The following TMEM178B variants were observed in gnomAD, a reference collection of about 807,000 sequenced individuals.
The protein encoded by TMEM178B is transmembrane protein 178B.
In TMEM178B, 5 loss-of-function variants were observed where a neutral mutation model predicts 31.0. The observed-to-expected ratio is 0.16, with a 90% CI of 0.08 to 0.34. TMEM178B has a LOEUF of 0.34. Among genes scored for constraint, TMEM178B ranks in the 10% least tolerant of loss-of-function variants. The pLI, the probability that TMEM178B is intolerant of heterozygous loss-of-function variation, is 1.00. For missense variants in TMEM178B, 275 were observed against 400.3 expected (o/e 0.69, Z 2.67); for synonymous variants, 164 against 164.0 (o/e 1.00, Z 0.00).
intron 2 of TMEM178B, among the ~76,000 whole-genome samples, chr7:141,274,617 G>A (rs1460328232): frequency 1.3e-5 from 2 of 152,198 alleles, no homozygotes; most frequent in Non-Finnish European, 2.9e-5. Context: ...AACCCAATCT[G>A]CAGGTCCAAG....
chr7:141,479,207 C>G lies in TMEM178B; in HGVS notation c.*8421C>G, dbSNP rs1442237568. ...TGGGGAAGGGGCAGGCAGGCCTTCTCTCTGTCAAGAACAAAGATCTCTACA... is the reference window on the plus strand; with the variant it reads ...TGGGGAAGGGGCAGGCAGGCCTTCTGTCTGTCAAGAACAAAGATCTCTACA... On this transcript the variant is annotated 3_prime_UTR_variant, in exon 4 of 4. Coordinates refer to ENST00000565468, the MANE Select transcript of TMEM178B (RefSeq NM_001195278.2). 6.6e-6 allele frequency: 1 copy of G among 152,294 alleles called. No individual in the cohort carries two copies. The highest frequency in any genetic ancestry group is 1.5e-5 in the Non-Finnish European group (1 of 68,078). 9.4% of individuals were successfully genotyped at this position (152,294 alleles called of 1,614,324 possible).
chr7:141,423,942 G>A (rs1801266030), intron 2 of TMEM178B, among the ~76,000 whole-genome samples: 1 of 151,078 alleles, frequency 6.6e-6, no homozygotes, highest in Admixed American at 6.6e-5. Context: ...GCGAATAAGT[G>A]GGATTACAGC....
At chr7:141,117,029 C>G (rs1336209132) in intron 1 of TMEM178B, among the ~76,000 whole-genome samples, 2 of 151,934 alleles carry the variant, frequency 1.3e-5, no homozygotes, top group East Asian at 3.9e-4. Flanking sequence ...GGGTATATAC[C>G]CAGTAATGGA....
At chr7:141,428,037 A>T (rs936533755) in intron 2 of TMEM178B, among the ~76,000 whole-genome samples, 7 of 151,978 alleles carry the variant, frequency 4.6e-5, no homozygotes, top group African/African-American at 9.7e-5. Context: ...ACAGGAGAGG[A>T]CTCCCTGTGA....
chr7:141,094,081 G>C (rs1181408325), intron 1 of TMEM178B, among the ~76,000 whole-genome samples: 1 of 152,158 alleles, frequency 6.6e-6, no homozygotes, highest in African/African-American at 2.4e-5. Context: ...ATGGTTCATA[G>C]ATAGGGACAA....
At chr7:141,128,143 A>G (rs965315677) in intron 1 of TMEM178B, among the ~76,000 whole-genome samples, 3 of 152,180 alleles carry the variant, frequency 2.0e-5, no homozygotes. Context: ...AATAAAAGGG[A>G]CACTATTAAT....
intron 2 of TMEM178B, among the ~76,000 whole-genome samples, chr7:141,436,287 TCC>T (rs1801538666): frequency 6.6e-6 from 1 of 152,160 alleles, no homozygotes; most frequent in Non-Finnish European, 1.5e-5. Context: ...GAAAAGATTG[TCC>T]AGGCAGGCTG....
intron 1 of TMEM178B, among the ~76,000 whole-genome samples, chr7:141,078,734 G>A (rs1319513231): frequency 6.6e-6 from 1 of 152,120 alleles, no homozygotes; most frequent in Non-Finnish European, 1.5e-5. Flanking sequence ...TGAACAAGAT[G>A]TTTGATAAGG....
At chr7:141,084,790 G>A (rs922763444) in intron 1 of TMEM178B, among the ~76,000 whole-genome samples, 66 of 152,202 alleles carry the variant, frequency 4.3e-4, no homozygotes, top group African/African-American at 1.5e-3. Context: ...ATCAGAGATC[G>A]TATATTCATG....
rs557751696 is a variant in TMEM178B at position 141,106,020 on chromosome 7, G to T, written c.382+31328G>T. Among the ~76,000 whole-genome samples, 3 of 151,398 alleles carry T rather than the reference G, an allele frequency of 2.0e-5. No individual in the cohort carries two copies. In the East Asian group the frequency reaches 5.8e-4, roughly 29 times the overall value. ...TGAGGCATGAGAATTGCTTGAGCCT[G>T]GGAGACAGAGGTTGCAGTGGGCTGA... On this transcript the variant is annotated intron_variant, in intron 1 of 3. Coordinates refer to ENST00000565468, the MANE Select transcript of TMEM178B (RefSeq NM_001195278.2).
At chr7:141,139,718 G>A (rs957580086) in intron 1 of TMEM178B, among the ~76,000 whole-genome samples, 2 of 151,820 alleles carry the variant, frequency 1.3e-5, no homozygotes, top group African/African-American at 2.4e-5. Context: ...TAAGATGGCT[G>A]TACTGAGAAA....
intron 1 of TMEM178B, among the ~76,000 whole-genome samples, chr7:141,104,538 C>G (rs1478947118): frequency 1.3e-5 from 2 of 152,252 alleles, no homozygotes; most frequent in African/African-American, 4.8e-5. Flanking sequence ...TCAGCTACCT[C>G]TGCTGCTTTC....
chr7:141,230,477 T>G (rs1433391163), intron 2 of TMEM178B, among the ~76,000 whole-genome samples: 1 of 152,212 alleles, frequency 6.6e-6, no homozygotes, highest in Non-Finnish European at 1.5e-5. Flanking sequence ...TAAAGTTCTC[T>G]CTTTCTTTTC....
intron 1 of TMEM178B, among the ~76,000 whole-genome samples, chr7:141,109,289 G>A (rs1795196946): frequency 6.6e-6 from 1 of 152,060 alleles, no homozygotes; most frequent in Admixed American, 6.6e-5. Flanking sequence ...AAAAGGTAAG[G>A]GGTGGTGAAA....
chr7:141,265,300 GC>G (rs1259771197), intron 2 of TMEM178B, among the ~76,000 whole-genome samples: 1 of 152,144 alleles, frequency 6.6e-6, no homozygotes, highest in African/African-American at 2.4e-5. Flanking sequence ...TTTGAATGGG[GC>G]CATGATGATG....
chr7:141,334,362 T>C (rs933926282), intron 2 of TMEM178B, among the ~76,000 whole-genome samples: 1 of 152,230 alleles, frequency 6.6e-6, no homozygotes, highest in Non-Finnish European at 1.5e-5. Flanking sequence ...CAGGTTTATT[T>C]TGCAGCTTAG....
At chr7:141,337,149 C>T (rs1339273772) in intron 2 of TMEM178B, among the ~76,000 whole-genome samples, 3 of 28,154 alleles carry the variant, frequency 1.1e-4, no homozygotes, top group East Asian at 8.5e-4. Context: ...ACCATCATCA[C>T]CACCACCATC....
intron 2 of TMEM178B, among the ~76,000 whole-genome samples, chr7:141,360,179 G>A (rs1002395899): frequency 6.6e-6 from 1 of 152,154 alleles, no homozygotes; most frequent in Non-Finnish European, 1.5e-5. Flanking sequence ...TACCTGCATA[G>A]AAGCCACATG....
rs529767254 is a variant in TMEM178B at position 141,328,188 on chromosome 7, T to A, written c.497-109420T>A. Among the ~76,000 whole-genome samples, 10 of 152,274 alleles carry A rather than the reference T, an allele frequency of 6.6e-5. No homozygotes were observed. In the South Asian group the frequency reaches 1.9e-3, roughly 28 times the overall value. On this transcript the variant is annotated intron_variant, in intron 2 of 3. Transcript: ENST00000565468. ...TCTATTTTCCTTTCTGGTCATCACA[T>A]TTCTTCTGGAGGCACAGACCCCGTT...
Sources: allele counts gnomAD v4.1 joint callset (sites outside exome capture counted in the v4.1 genomes callset), GRCh38; gene constraint gnomAD v4.1.1; transcripts MANE v1.5; gene names NCBI Gene and HGNC (gene_info 2026-07-23, HGNC 2026-07-21).